KCNIP1: variants seen among roughly 807,000 people sequenced by gnomAD.
KCNIP1 encodes the protein A-type potassium channel modulatory protein KCNIP1.
KCNIP1 carries 18 observed loss-of-function variants against 33.0 expected under a neutral mutation model. The ratio of observed to expected loss-of-function variants is 0.55; its 90% CI spans 0.38 to 0.81. The LOEUF is 0.81. KCNIP1 is among the 30% of genes least tolerant of loss of function. KCNIP1 has a pLI of 0.00. For synonymous variants in KCNIP1, 93 were observed against 98.3 expected (o/e 0.95, Z 0.32); for missense variants, 238 against 271.6 (o/e 0.88, Z 0.87).
At chr5:170,495,912 G>A (rs1054802335) in intron 1 of KCNIP1, among the ~76,000 whole-genome samples, 1 of 152,160 alleles carries the variant, frequency 6.6e-6, no homozygotes, top group Admixed American at 6.5e-5. Context: ...CCTCTTCCTG[G>A]GTTTCTTCCT....
chr5:170,632,495 C>T (rs1294343257), intron 1 of KCNIP1, among the ~76,000 whole-genome samples: 3 of 152,256 alleles, frequency 2.0e-5, no homozygotes, highest in African/African-American at 7.2e-5. Flanking sequence ...CAGGGCGAAC[C>T]AACAGAGGCG....
At chr5:170,453,420 A>C (rs1756302041) in intron 1 of KCNIP1, among the ~76,000 whole-genome samples, 1 of 152,324 alleles carries the variant, frequency 6.6e-6, no homozygotes, top group East Asian at 1.9e-4. Context: ...AAACAGGTGC[A>C]CTTCCAGGCA....
At chr5:170,562,329 G>A (rs908993761) in intron 1 of KCNIP1, among the ~76,000 whole-genome samples, 8 of 152,230 alleles carry the variant, frequency 5.3e-5, no homozygotes, top group Non-Finnish European at 1.2e-4. Flanking sequence ...AATGGGCACA[G>A]CAGCTTCCTT....
intron 1 of KCNIP1, among the ~76,000 whole-genome samples, chr5:170,592,792 G>T (rs138057296): frequency 1.3e-3 from 204 of 152,332 alleles, no homozygotes; most frequent in African/African-American, 4.3e-3. Context: ...GAAGATTTGA[G>T]CAAAGACCTC....
At chr5:170,582,554 G>A (rs1191803724) in intron 1 of KCNIP1, among the ~76,000 whole-genome samples, 2 of 152,186 alleles carry the variant, frequency 1.3e-5, no homozygotes, top group Admixed American at 6.5e-5. Flanking sequence ...ACCCATAAAT[G>A]TGCTGCTAGA....
chr5:170,392,195 A>G (rs1008742454), intron 1 of KCNIP1, among the ~76,000 whole-genome samples: 18 of 151,824 alleles, frequency 1.2e-4, no homozygotes, highest in African/African-American at 3.9e-4. Context: ...AGCAAATCTC[A>G]CCGGGCATGG....
At position 170,449,610 on chromosome 5, in the gene KCNIP1, C is replaced by A. The variant is rs550888645; in HGVS notation, c.88+95646C>A. Among the ~76,000 whole-genome samples the A allele has an allele frequency of 3.3e-5, 5 of 152,338 alleles. No homozygotes were observed. The East Asian group carries it at 9.6e-4, about 29-fold the overall frequency. On this transcript the variant is annotated intron_variant, in intron 1 of 7. Transcript: ENST00000377360. ...ATAACCTAGGGCTAAAAATTAGAAG[C>A]ACCTACTCCATACAGCTATTGTGCT...
chr5:170,520,434 C>T (rs1042239971), intron 1 of KCNIP1, among the ~76,000 whole-genome samples: 8 of 152,168 alleles, frequency 5.3e-5, no homozygotes, highest in African/African-American at 1.4e-4. Flanking sequence ...CCTTCAGTTG[C>T]GCAGCCAACT....
At chr5:170,706,219 A>G (rs569455694) in intron 1 of KCNIP1, among the ~76,000 whole-genome samples, 1 of 152,354 alleles carries the variant, frequency 6.6e-6, no homozygotes, top group Admixed American at 6.5e-5. Context: ...GGGGTTTATT[A>G]GTGTGGATTA....
chr5:170,672,950 G>T (rs1379524283), intron 1 of KCNIP1, among the ~76,000 whole-genome samples: 1 of 152,146 alleles, frequency 6.6e-6, no homozygotes, highest in African/African-American at 2.4e-5. Flanking sequence ...AAGAGAAGAG[G>T]TTGTTTTCAG....
chr5:170,676,991 C>T (rs1363735744), intron 1 of KCNIP1, among the ~76,000 whole-genome samples: 1 of 152,164 alleles, frequency 6.6e-6, no homozygotes, highest in African/African-American at 2.4e-5. Context: ...AAGTCTGATT[C>T]CCCTACCTGA....
At chr5:170,450,238 C>T (rs1756216985) in intron 1 of KCNIP1, among the ~76,000 whole-genome samples, 1 of 151,896 alleles carries the variant, frequency 6.6e-6, no homozygotes, top group African/African-American at 2.4e-5. Context: ...GTCAAGGCTG[C>T]AGCTGCTGAC....
In KCNIP1 at chr5:170,490,966, C is replaced by A. The variant is rs73803726; in HGVS notation, c.88+137002C>A. 3.0e-3 allele frequency among the ~76,000 whole-genome samples: 461 copies of A among 152,338 alleles called. 1 individual carries two copies. Among genetic ancestry groups the A allele is most frequent in the African/African-American group, 9.5e-3 (395 of 41,580 alleles). ...CAATCAGTCTCCTTTTCTTGTAAGG[C>A]CTTCTTTCTCAGGCTGATCCCTTCA... On this transcript the variant is annotated intron_variant, in intron 1 of 7. Coordinates refer to the KCNIP1 transcript ENST00000377360.
intron 1 of KCNIP1, among the ~76,000 whole-genome samples, chr5:170,490,676 G>A (rs1040646393): frequency 6.6e-6 from 1 of 152,098 alleles, no homozygotes; most frequent in Admixed American, 6.6e-5. Context: ...AAAAGAAAAG[G>A]TTATTAAAAA....
At chr5:170,362,801 T>C (rs1228226428) in intron 1 of KCNIP1, among the ~76,000 whole-genome samples, 1 of 152,222 alleles carries the variant, frequency 6.6e-6, no homozygotes, top group East Asian at 1.9e-4. Flanking sequence ...TGTGGGCCAG[T>C]TTGGATGACA....
At chr5:170,591,142 T>A (rs749827460) in intron 1 of KCNIP1, among the ~76,000 whole-genome samples, 3 of 152,214 alleles carry the variant, frequency 2.0e-5, no homozygotes, top group Non-Finnish European at 2.9e-5. Flanking sequence ...TTCCATCTGT[T>A]CAAGCTGAGT....
chr5:170,652,498 A>AAGGAAGT (rs1554107876), intron 1 of KCNIP1, among the ~76,000 whole-genome samples: 1 of 103,052 alleles, frequency 9.7e-6, no homozygotes, highest in African/African-American at 4.3e-5. Context: ...AAAAAAAAAA[A>AAGGAAGT]AAGGAAGGAA....
intron 1 of KCNIP1, among the ~76,000 whole-genome samples, chr5:170,598,152 A>G (rs569025531): frequency 6.6e-6 from 1 of 152,122 alleles, no homozygotes; most frequent in Non-Finnish European, 1.5e-5. Flanking sequence ...TAGCAACAGA[A>G]TCTTCCCTGG....
chr5:170,656,068 C>T (rs1048915471), intron 1 of KCNIP1, among the ~76,000 whole-genome samples: 6 of 152,120 alleles, frequency 3.9e-5, no homozygotes, highest in African/African-American at 1.4e-4. Flanking sequence ...TGCCAACCTG[C>T]CTTCCGCAAG....
Sources: gnomAD v4.1 joint callset for allele counts (sites outside exome capture counted in the v4.1 genomes callset) on GRCh38, gnomAD v4.1.1 for gene constraint, MANE v1.5 for transcripts, NCBI Gene and HGNC (gene_info 2026-07-23, HGNC 2026-07-21) for gene names.